Variants in RNF220 observed in about 807,000 individuals in gnomAD.
RNF220 encodes ring finger protein 220.
A neutral mutation model predicts 67.1 loss-of-function variants in RNF220; 7 were observed. The ratio of observed to expected loss-of-function variants is 0.10; its 90% CI spans 0.06 to 0.20. The LOEUF (loss-of-function observed/expected upper bound fraction) is 0.20, where lower values mean the gene tolerates loss of function less well. Ranked by LOEUF, RNF220 falls within the 10% of genes least tolerant of loss-of-function variation. The pLI, the probability that RNF220 is intolerant of heterozygous loss-of-function variation, is 1.00. For missense variants in RNF220, 565 were observed against 740.3 expected, an observed-to-expected ratio of 0.76 and a Z score of 2.75; for synonymous variants, 270 against 283.2, an observed-to-expected ratio of 0.95 and a Z score of 0.47.
chr1:44,477,936 C>T (rs1232384762), intron 2 of RNF220, among the ~76,000 whole-genome samples: 1 of 152,168 alleles, frequency 6.6e-6, no homozygotes, highest in Non-Finnish European at 1.5e-5. Flanking sequence ...TCCCTCCCAC[C>T]TGCAAAATAC....
intron 6 of RNF220, among the ~76,000 whole-genome samples, chr1:44,633,529 GCCTT>G (rs1644233202): frequency 6.6e-6 from 1 of 152,316 alleles, no homozygotes; most frequent in East Asian, 1.9e-4. Flanking sequence ...AACCAAACCT[GCCTT>G]CCTTCTCTGA....
intron 5 of RNF220, chr1:44,631,783 T>A: frequency 2.1e-6 from 1 of 477,990 alleles, no homozygotes; most frequent in Non-Finnish European, 2.7e-6. Context: ...TGGAGTGGGG[T>A]GGAAGGACTT....
At chr1:44,477,323 A>G (rs1306193029) in intron 2 of RNF220, among the ~76,000 whole-genome samples, 1 of 152,208 alleles carries the variant, frequency 6.6e-6, no homozygotes, top group Non-Finnish European at 1.5e-5. Flanking sequence ...AGAATTATTT[A>G]TTGTTACAAA....
chr1:44,497,160 G>A (rs1410820559), intron 2 of RNF220, among the ~76,000 whole-genome samples: 1 of 152,038 alleles, frequency 6.6e-6, no homozygotes, highest in South Asian at 2.1e-4. Context: ...GGGCCTTCAA[G>A]CCTAGAATTC....
chr1:44,422,609 C>A (rs1484347829), intron 2 of RNF220, among the ~76,000 whole-genome samples: 1 of 152,192 alleles, frequency 6.6e-6, no homozygotes, highest in East Asian at 1.9e-4. Context: ...TACCCACTGT[C>A]CTCTTCATGA....
At chr1:44,441,206 C>T (rs1041891949) in intron 2 of RNF220, among the ~76,000 whole-genome samples, 6 of 152,100 alleles carry the variant, frequency 3.9e-5, no homozygotes, top group African/African-American at 9.7e-5. Context: ...TGTGTCAGGC[C>T]GTGCCTCCCC....
chr1:44,541,615 C>T (rs902781239), intron 2 of RNF220, among the ~76,000 whole-genome samples: 3 of 152,256 alleles, frequency 2.0e-5, no homozygotes, highest in Non-Finnish European at 4.4e-5. Context: ...AGACTTACTT[C>T]ACGGTCCCAT....
chr1:44,437,998 C>A (rs1157620956), intron 2 of RNF220, among the ~76,000 whole-genome samples: 1 of 152,184 alleles, frequency 6.6e-6, no homozygotes. Flanking sequence ...TCAAACTCTT[C>A]TGGGAAAATA....
intron 2 of RNF220, among the ~76,000 whole-genome samples, chr1:44,539,143 C>T (rs1661475775): frequency 6.6e-6 from 1 of 152,134 alleles, no homozygotes; most frequent in South Asian, 2.1e-4. Flanking sequence ...ATCACTTGAA[C>T]CCGGGATGCG....
chr1:44,423,782 CAG>C lies in RNF220; in HGVS notation c.625+11063_625+11064del, dbSNP rs1180305700. 4 of 952,972 alleles carry C rather than the reference CAG, an allele frequency of 4.2e-6. No individual in the cohort carries two copies. The African/African-American group carries it at 7.1e-5, about 17-fold the overall frequency. 59.0% of individuals were successfully genotyped at this position (952,972 alleles called of 1,614,324 possible). ...GCCACATAGCACCCGGGATTCTTGG[CAG>C]AGTTTCTTGGCAAAGTTTCCTCTGG... On this transcript the variant is annotated intron_variant, in intron 2 of 14. Transcript: ENST00000361799.
chr1:44,436,424 A>G (rs1650977933), intron 2 of RNF220, among the ~76,000 whole-genome samples: 1 of 70,116 alleles, frequency 1.4e-5, no homozygotes, highest in Non-Finnish European at 3.1e-5. Flanking sequence ...ATGTGTGAGC[A>G]AAAGAGAGAA....
At chr1:44,648,614 C>A (rs1644710861) in intron 12 of RNF220, 1 of 152,164 alleles carries the variant, frequency 6.6e-6, no homozygotes, top group African/African-American at 2.4e-5. Context: ...GGGCTTGGCC[C>A]ACACACAGGA....
At chr1:44,506,696 C>T (rs1301792195) in intron 2 of RNF220, among the ~76,000 whole-genome samples, 2 of 152,228 alleles carry the variant, frequency 1.3e-5, no homozygotes, top group African/African-American at 4.8e-5. Flanking sequence ...GAGAGCTTGG[C>T]CAAAGCACGA....
chr1:44,476,626 T>G (rs543567261), intron 2 of RNF220, among the ~76,000 whole-genome samples: 2 of 152,144 alleles, frequency 1.3e-5, no homozygotes, highest in Non-Finnish European at 2.9e-5. Flanking sequence ...ATTGAGACCT[T>G]GTAGTTGGGG....
chr1:44,619,928 A>G (rs1643723882), intron 3 of RNF220, among the ~76,000 whole-genome samples: 1 of 152,182 alleles, frequency 6.6e-6, no homozygotes, highest in Non-Finnish European at 1.5e-5. Flanking sequence ...AATGCAATGC[A>G]AGGGACAGTG....
chr1:44,443,530 C>G (rs978800487), intron 2 of RNF220, among the ~76,000 whole-genome samples: 9 of 152,182 alleles, frequency 5.9e-5, no homozygotes, highest in African/African-American at 2.2e-4. Context: ...ACCTGCCTAC[C>G]TAACACCCCT....
intron 2 of RNF220, among the ~76,000 whole-genome samples, chr1:44,546,367 A>G (rs1050171721): frequency 6.6e-6 from 1 of 152,146 alleles, no homozygotes; most frequent in Non-Finnish European, 1.5e-5. Context: ...CTCCACCGCA[A>G]CATCTGAGAG....
At chr1:44,513,891 C>T (rs939086288) in intron 2 of RNF220, among the ~76,000 whole-genome samples, 3 of 152,202 alleles carry the variant, frequency 2.0e-5, no homozygotes, top group Non-Finnish European at 4.4e-5. Context: ...TACTTCCGCT[C>T]TTCCTGGAAT....
chr1:44,581,371 T>C (rs1218134873), intron 2 of RNF220, among the ~76,000 whole-genome samples: 1 of 152,178 alleles, frequency 6.6e-6, no homozygotes, highest in Non-Finnish European at 1.5e-5. Context: ...GTGAGGCCAG[T>C]TGGACAGGTG....
Sources: allele counts gnomAD v4.1 joint callset (sites outside exome capture counted in the v4.1 genomes callset), GRCh38; gene constraint gnomAD v4.1.1; transcripts MANE v1.5; gene names NCBI Gene and HGNC (gene_info 2026-07-23, HGNC 2026-07-21).